TCF25: variants seen among roughly 807,000 people sequenced by gnomAD.
The protein encoded by TCF25 is ribosome quality control complex subunit TCF25.
Under a neutral mutation model 83.1 loss-of-function variants are expected in TCF25, and 41 were observed. The observed-to-expected ratio is 0.49, with a 90% CI of 0.38 to 0.64. The LOEUF is 0.64. Ranked by LOEUF, TCF25 falls within the 30% of genes least tolerant of loss-of-function variation. TCF25 has a pLI of 0.00. For synonymous variants in TCF25, 458 were observed against 365.0 expected, an observed-to-expected ratio of 1.25 and a Z score of -2.90; for missense variants, 979 against 914.5, an observed-to-expected ratio of 1.07 and a Z score of -0.91.
At chr16:89,880,427 T>C (rs1441411047) in intron 1 of TCF25, among the ~76,000 whole-genome samples, 1 of 151,948 alleles carries the variant, frequency 6.6e-6, no homozygotes, top group Non-Finnish European at 1.5e-5. Context: ...GTACTAAAAA[T>C]ACAAAAATTA....
rs1291204415 is a variant in TCF25 at position 89,904,703 on chromosome 16, T to C, written c.1470-235T>C. The C allele has an allele frequency of 6.1e-6, 4 of 657,898 alleles. No individual in the cohort carries two copies. The East Asian group carries it at 8.6e-5, about 14-fold the overall frequency. The allele number at this position is 657,898 out of a possible 1,614,324, so 40.8% of individuals were successfully genotyped here. On this transcript the variant is annotated intron_variant, in intron 13 of 17. Transcript: ENST00000263346. ...GACCCGCCCTGGGTGCATTTTCACA[T>C]TTCTGTGACGTCAGTCCTGCTTCCT...
chr16:89,888,274 G>C (rs564865365), intron 5 of TCF25, among the ~76,000 whole-genome samples: 1 of 148,812 alleles, frequency 6.7e-6, no homozygotes, highest in East Asian at 2.1e-4. Flanking sequence ...TCAAAAAAAA[G>C]TTTTCAAAAG....
intron 1 of TCF25, among the ~76,000 whole-genome samples, 195 bp from the exon 2 acceptor site, chr16:89,883,156 C>G (rs556671392): frequency 6.6e-6 from 1 of 152,204 alleles, no homozygotes; most frequent in African/African-American, 2.4e-5. Context: ...GAGCTGCTGA[C>G]AAAGTCCCCC....
rs375413948 is a variant in TCF25 at position 89,906,180 on chromosome 16, C to T, written c.1629-14C>T. 7 of 1,611,574 alleles carry T rather than the reference C, an allele frequency of 4.3e-6. No homozygotes were observed. The highest frequency in any genetic ancestry group is 2.2e-5 in the East Asian group (1 of 44,880). The stretch of plus-strand genomic sequence containing the variant: ...GTGCTTTATCTGCTGTGCCTTGTTT[C>T]TCCCCGGCCCTAGGCGGAAGGTGCT... On this transcript the variant is annotated splice_polypyrimidine_tract_variant and intron_variant, in intron 14 of 17. Transcript: ENST00000263346.
At chr16:89,894,414 GCCGGACAGCTCCCCTTGCAACC>G (rs1183790173) in intron 7 of TCF25, among the ~76,000 whole-genome samples, 2 of 144,066 alleles carry the variant, frequency 1.4e-5, no homozygotes, top group Admixed American at 1.3e-4. Flanking sequence ...TCACGCAGCC[GCCGGACAGCTCCCCTTGCAACC>G]CCGGACAGCC....
At chr16:89,905,674 G>A (rs1055891653) in intron 14 of TCF25, among the ~76,000 whole-genome samples, 3 of 152,246 alleles carry the variant, frequency 2.0e-5, no homozygotes, top group Non-Finnish European at 4.4e-5. Flanking sequence ...CGGACATGAG[G>A]TGTGCCCGGG....
chr16:89,907,763 C>T, intron 16 of TCF25, among the ~76,000 whole-genome samples: 1 of 116,954 alleles, frequency 8.6e-6, no homozygotes, highest in Non-Finnish European at 1.8e-5. Flanking sequence ...GCTCCCGCCT[C>T]CCTCCTCCCA....
intron 16 of TCF25, chr16:89,908,969 G>C: frequency 7.8e-7 from 1 of 1,289,498 alleles, no homozygotes; most frequent in Non-Finnish European, 1.0e-6. Flanking sequence ...CTCACAGGAA[G>C]GGAGAGGAGG....
chr16:89,885,562 C>G (rs1259313756), intron 3 of TCF25, among the ~76,000 whole-genome samples: 1 of 152,172 alleles, frequency 6.6e-6, no homozygotes, highest in Non-Finnish European at 1.5e-5. Context: ...AGCCACAAGT[C>G]CCAACCCTGT....
chr16:89,878,464 A>G, intron 1 of TCF25: 1 of 1,236,318 alleles, frequency 8.1e-7, no homozygotes, highest in Non-Finnish European at 1.0e-6. Flanking sequence ...TTTTTAGGAA[A>G]AATGGACATT....
At chr16:89,906,577 G>A (rs1352416038) in intron 15 of TCF25, among the ~76,000 whole-genome samples, 1 of 152,178 alleles carries the variant, frequency 6.6e-6, no homozygotes, top group Admixed American at 6.5e-5. Context: ...GGCTGCTGGG[G>A]GATTCTCTGT....
At chr16:89,892,319 G>C (rs939337460) in intron 6 of TCF25, 44 bp downstream of exon 6, 15 of 1,571,982 alleles carry the variant, frequency 9.5e-6, no homozygotes, top group Non-Finnish European at 1.2e-5. Context: ...GTTGGGGGGC[G>C]TTGTCTGTGC....
At chr16:89,904,796 C>T in intron 13 of TCF25, 142 bp from the exon 14 acceptor site, 1 of 1,028,018 alleles carries the variant, frequency 9.7e-7, no homozygotes, top group Non-Finnish European at 1.5e-6. Flanking sequence ...GCCCTCAGGC[C>T]AGCAGCCCAG....
At position 89,896,030 on chromosome 16, in the gene TCF25, GTT is replaced by G. The variant is rs752962623; in HGVS notation, c.970_971del (p.Phe324GlnfsTer53). On this transcript the variant is annotated frameshift_variant, in exon 9 of 18. Transcript: ENST00000263346. LOFTEE classifies it high-confidence loss of function. ...YSMECAFHPL[F>X]SLTSGACRLD... Reference sequence around the variant, plus strand: ...GCATGGAATGTGCGTTCCACCCCCTGTTCAGTCTCACCAGTGGGGCCTGCCGG... The same window carrying G: ...GCATGGAATGTGCGTTCCACCCCCTGCAGTCTCACCAGTGGGGCCTGCCGG... The G allele has an allele frequency of 6.2e-7, 1 of 1,613,932 alleles. No homozygotes were observed. Among genetic ancestry groups the G allele is most frequent in the Non-Finnish European group, 8.5e-7 (1 of 1,180,000 alleles).
chr16:89,875,516 T>G (rs1401469355), intron 1 of TCF25, among the ~76,000 whole-genome samples: 2 of 111,216 alleles, frequency 1.8e-5, no homozygotes, highest in Non-Finnish European at 3.4e-5. Flanking sequence ...GACGTGAGTT[T>G]TTTTTTTTTT....
At chr16:89,875,565 C>T (rs996688097) in intron 1 of TCF25, among the ~76,000 whole-genome samples, 1 of 140,038 alleles carries the variant, frequency 7.1e-6, no homozygotes, top group African/African-American at 2.7e-5. Flanking sequence ...CTCTGTCGCC[C>T]AGGCTGGAGT....
chr16:89,904,143 C>G lies in TCF25; in HGVS notation c.1407C>G (p.Cys469Trp), dbSNP rs748523556. 52 of 1,607,000 alleles carry G rather than the reference C, an allele frequency of 3.2e-5. No homozygotes were observed. The highest frequency in any genetic ancestry group is 4.2e-5 in the Non-Finnish European group (49 of 1,176,982). The change falls in exon 13 of 18, where the codon TGC becomes TGG. Residue 469 changes from cysteine to tryptophan, a missense_variant. Physicochemically the swap from Cys to Trp is radical, Grantham distance 215. Coordinates refer to ENST00000263346, the MANE Select transcript of TCF25 (RefSeq NM_014972.3). ...TCCTCCTGCCCCTGCTCGAGTCTTG[C>G]AGTGTGCGGCCCGACGCCAGCGTTT... ...PGVLLPLLES[C>W]SVRPDASVSS... is the part of the protein sequence containing the mutation.
rs1487601977 is a variant in TCF25, at chr16:89,902,613, C to T, written c.1382-1505C>T. On this transcript the variant is annotated intron_variant, in intron 12 of 17. Transcript: ENST00000263346. Reference sequence around the variant, plus strand: ...CTGAGGCAGGAGAATGGCATGAACCCAGGAGGCAGAGCTTGCAGTGAGCCG... The same window carrying T: ...CTGAGGCAGGAGAATGGCATGAACCTAGGAGGCAGAGCTTGCAGTGAGCCG... Among the ~76,000 whole-genome samples, 4 of 146,958 alleles carry T rather than the reference C, an allele frequency of 2.7e-5. 1 individual carries two copies. Among genetic ancestry groups the T allele is most frequent in the Admixed American group, 6.7e-5 (1 of 14,886 alleles).
rs368826738 is a variant in TCF25 at position 89,900,805 on chromosome 16, G to T, written c.1381+11G>T. On this transcript the variant is annotated intron_variant, in intron 12 of 17. Transcript: ENST00000263346. The stretch of plus-strand genomic sequence containing the variant: ...CCATGTTCCCTGGAGGTGAGTGAGC[G>T]CTGTGTCTCGCCTGGGGTAGGGGTG... The T allele has an allele frequency of 6.4e-6, 10 of 1,562,600 alleles. No individual in the cohort carries two copies. The highest frequency in any genetic ancestry group is 1.3e-5 in the African/African-American group (1 of 74,234).
Sources: allele counts gnomAD v4.1 joint callset (sites outside exome capture counted in the v4.1 genomes callset), GRCh38; gene constraint gnomAD v4.1.1; transcripts MANE v1.5; gene names NCBI Gene and HGNC (gene_info 2026-07-23, HGNC 2026-07-21).